The following RIMBP2 variants were observed in gnomAD, a reference collection of about 807,000 sequenced individuals.
RIMBP2 encodes RIMS-binding protein 2.
RIMBP2 carries 48 observed loss-of-function variants against 118.6 expected under a neutral mutation model. The observed-to-expected ratio is 0.40, with a 90% CI of 0.32 to 0.51. The LOEUF is 0.51. Among genes scored for constraint, RIMBP2 ranks in the 20% least tolerant of loss-of-function variants. The pLI is 0.41. For synonymous variants in RIMBP2, 762 were observed against 742.9 expected, an observed-to-expected ratio of 1.03 and a Z score of -0.42; for missense variants, 1,551 against 1,768.3, an observed-to-expected ratio of 0.88 and a Z score of 2.20.
At chr12:130,428,633 C>T (rs571380470) in intron 14 of RIMBP2, 30 of 258,500 alleles carry the variant, frequency 1.2e-4, no homozygotes, top group African/African-American at 4.4e-4. Flanking sequence ...ACAAGACACG[C>T]GGGCAGAATG....
At chr12:130,432,238 C>A (rs139297915) in intron 14 of RIMBP2, 16 of 456,458 alleles carry the variant, frequency 3.5e-5, no homozygotes, top group East Asian at 3.5e-4. Flanking sequence ...CTTCAGGCCT[C>A]GGTTCAATCT....
intron 1 of RIMBP2, among the ~76,000 whole-genome samples, chr12:130,631,815 T>C (rs141133833): frequency 1.3e-5 from 2 of 152,326 alleles, no homozygotes; most frequent in East Asian, 3.9e-4. Flanking sequence ...ATTGTTTCCA[T>C]ATACCTTTAT....
chr12:130,638,124 A>T (rs1370314482), intron 1 of RIMBP2, among the ~76,000 whole-genome samples: 2 of 152,156 alleles, frequency 1.3e-5, no homozygotes, highest in East Asian at 3.9e-4. Flanking sequence ...AGAAATCGCC[A>T]ATGTCTTGCC....
At chr12:130,694,589 G>C (rs947670899) in intron 1 of RIMBP2, among the ~76,000 whole-genome samples, 1 of 152,122 alleles carries the variant, frequency 6.6e-6, no homozygotes, top group Admixed American at 6.5e-5. Flanking sequence ...TCCCCTTCCT[G>C]GAAAGCTCCT....
intron 2 of RIMBP2, among the ~76,000 whole-genome samples, chr12:130,627,322 C>A (rs925031527): frequency 1.3e-4 from 20 of 152,218 alleles, no homozygotes; most frequent in African/African-American, 4.8e-4. Flanking sequence ...CAGCCATTTC[C>A]GGGTTGAAAA....
intron 1 of RIMBP2, among the ~76,000 whole-genome samples, chr12:130,645,215 C>T (rs2062806467): frequency 6.6e-6 from 1 of 152,020 alleles, no homozygotes; most frequent in Non-Finnish European, 1.5e-5. Context: ...CGCCTCAGGT[C>T]CCCGAGTAGC....
At chr12:130,435,891 TG>T (rs2077475884) in intron 13 of RIMBP2, among the ~76,000 whole-genome samples, 1 of 152,208 alleles carries the variant, frequency 6.6e-6, no homozygotes, top group African/African-American at 2.4e-5. Context: ...ACACCTGAGC[TG>T]CTCAGCATTG....
rs1392451111 is a variant in RIMBP2, at chr12:130,438,286, T to C, written c.1656+79A>G. On this transcript the variant is annotated intron_variant, in intron 12 of 22. Coordinates refer to ENST00000690449, the MANE Select transcript of RIMBP2 (RefSeq NM_001393629.1). ...GGCTGGAAGAGCAGACCCTGCCTCC[T>C]CCACTGAGCAAATACCGGGCCGGTC... 3.3e-6 allele frequency: 5 copies of C among 1,521,084 alleles called. No homozygotes were observed. In the Admixed American group the frequency reaches 8.6e-5, roughly 26 times the overall value. 94.2% of individuals were successfully genotyped at this position (1,521,084 alleles called of 1,614,324 possible). A position where few individuals can be genotyped will look rare whatever the true frequency, so the allele number is the denominator to read the frequency against.
chr12:130,524,526 C>A (rs12370884), intron 2 of RIMBP2, among the ~76,000 whole-genome samples: 1 of 152,060 alleles, frequency 6.6e-6, no homozygotes, highest in Non-Finnish European at 1.5e-5. Context: ...GGGTAGCAGA[C>A]GTGAAGAGGC....
chr12:130,564,058 CTG>C, intron 2 of RIMBP2, among the ~76,000 whole-genome samples: 1 of 138,460 alleles, frequency 7.2e-6, no homozygotes, highest in South Asian at 2.7e-4. Flanking sequence ...GCACCTCTCT[CTG>C]TCCCCTCTTC....
intron 1 of RIMBP2, among the ~76,000 whole-genome samples, chr12:130,686,781 G>A (rs560922360): frequency 5.9e-5 from 9 of 152,360 alleles, no homozygotes; most frequent in African/African-American, 1.9e-4. Context: ...GGCACCAGAT[G>A]GCTGCAGGGC....
chr12:130,481,060 C>T (rs976933300), intron 4 of RIMBP2, among the ~76,000 whole-genome samples: 5 of 80,806 alleles, frequency 6.2e-5, no homozygotes, highest in East Asian at 3.8e-4. Context: ...AGGGGGGAGG[C>T]GAGGGAGTCC....
chr12:130,626,942 C>T (rs984982197), intron 2 of RIMBP2, among the ~76,000 whole-genome samples: 1 of 151,518 alleles, frequency 6.6e-6, no homozygotes, highest in African/African-American at 2.4e-5. Context: ...ATCACCATTA[C>T]CACCATTATC....
chr12:130,691,461 A>G (rs1445753680), intron 1 of RIMBP2, among the ~76,000 whole-genome samples: 1 of 152,162 alleles, frequency 6.6e-6, no homozygotes, highest in East Asian at 1.9e-4. Context: ...CTTGAGCCCA[A>G]AAGTTTGAGA....
chr12:130,500,324 G>A (rs940084715), intron 4 of RIMBP2, among the ~76,000 whole-genome samples: 1 of 152,198 alleles, frequency 6.6e-6, no homozygotes, highest in East Asian at 1.9e-4. Flanking sequence ...TGGGCGTGGT[G>A]GCAGGCCCCT....
At chr12:130,691,657 C>T (rs530534300) in intron 1 of RIMBP2, among the ~76,000 whole-genome samples, 2 of 152,290 alleles carry the variant, frequency 1.3e-5, no homozygotes, top group East Asian at 3.9e-4. Flanking sequence ...GACAAAAGAG[C>T]AAGATCCTGT....
At chr12:130,487,091 T>A (rs533779657) in intron 4 of RIMBP2, among the ~76,000 whole-genome samples, 1 of 152,266 alleles carries the variant, frequency 6.6e-6, no homozygotes, top group African/African-American at 2.4e-5. Context: ...TGCCCCTTCC[T>A]CACTGTGCTT....
rs572367933 is a variant in RIMBP2, at chr12:130,484,667, A to G, written c.-3-5651T>C. Reference sequence around the variant, plus strand: ...GGAGCTCAGTCCCACTGCTGTCCCCACCACCCCCTTCTCCAGCCACATGGG... The same window carrying G: ...GGAGCTCAGTCCCACTGCTGTCCCCGCCACCCCCTTCTCCAGCCACATGGG... On this transcript the variant is annotated intron_variant, in intron 4 of 22. Coordinates refer to ENST00000690449, the MANE Select transcript of RIMBP2 (RefSeq NM_001393629.1). Among the ~76,000 whole-genome samples the G allele has an allele frequency of 2.8e-4, 42 of 152,130 alleles. 1 individual carries two copies. In the East Asian group the frequency reaches 7.9e-3, roughly 29 times the overall value.
At chr12:130,705,051 G>A (rs1392810586) in intron 1 of RIMBP2, among the ~76,000 whole-genome samples, 1 of 152,186 alleles carries the variant, frequency 6.6e-6, no homozygotes, top group African/African-American at 2.4e-5. Flanking sequence ...GGCAAGACCA[G>A]CTCCCTCCAA....
Sources: allele counts gnomAD v4.1 joint callset (sites outside exome capture counted in the v4.1 genomes callset), GRCh38; gene constraint gnomAD v4.1.1; transcripts MANE v1.5; gene names NCBI Gene and HGNC (gene_info 2026-07-23, HGNC 2026-07-21).